HS3ST6: variants seen among roughly 807,000 people sequenced by gnomAD.
HS3ST6 encodes the protein heparan sulfate-glucosamine 3-sulfotransferase 6.
Under a neutral mutation model 11.0 loss-of-function variants are expected in HS3ST6, and 13 were observed. The ratio of observed to expected loss-of-function variants is 1.18; its 90% CI spans 0.77 to 1.88. The LOEUF is 1.88. HS3ST6 is among the 40% of genes most tolerant of loss of function. The pLI is 0.00. For missense variants in HS3ST6, 541 were observed against 494.4 expected (o/e 1.09, Z -0.89); for synonymous variants, 232 against 230.6 (o/e 1.01, Z -0.06).
chr16:1,912,114 C>T lies in HS3ST6; in HGVS notation c.505G>A (p.Ala169Thr), dbSNP rs768576427. Residue 169 changes from alanine (A) to threonine (T), a missense_variant, in exon 2 of 2, where the codon GCC becomes ACC. Physicochemically the swap from Ala to Thr is moderately conservative, Grantham distance 58. Transcript: ENST00000454677. The surrounding 1 kb of genome is among the most constrained non-coding windows in gnomAD (Gnocchi z 5.6). ...ATCAGCTTCGTGTCCGGGGACATGG[C>T]GTGGATGCGGCGGGGGGCCTCTCGC... ...VTREAPRRIHAMSPDTKLIVV... is the reference protein window; with the variant it reads ...VTREAPRRIHTMSPDTKLIVV... 5.3e-6 allele frequency: 8 copies of T among 1,503,080 alleles called. No homozygotes were observed. The highest frequency in any genetic ancestry group is 4.1e-5 in the South Asian group (3 of 73,186). 93.1% of individuals were successfully genotyped at this position (1,503,080 alleles called of 1,614,324 possible).
chr16:1,917,915 A>C lies in HS3ST6; in HGVS notation c.409T>G (p.Tyr137Asp). ...CGGACGGGCCAGGGTGCTCACCGGT[A>C]CCAGGCGAGGCCGCGCTCGTAGCAC... is the stretch of plus-strand genomic sequence containing the variant. ...DRCYERGLAW[Y>D]RSLMPRTLDG... The change falls in exon 1 of 2, where the codon TAC becomes GAC. Residue 137 changes from tyrosine to aspartate, a missense_variant. By Grantham distance (160) the Tyr-to-Asp change is radical (BLOSUM62 -3). Transcript: ENST00000454677. The C allele has an allele frequency of 6.8e-7, 1 of 1,472,220 alleles. No individual in the cohort carries two copies. Among genetic ancestry groups the C allele is most frequent in the Non-Finnish European group, 9.0e-7 (1 of 1,113,266 alleles). The allele number at this position is 1,472,220 out of a possible 1,614,324, so 91.2% of individuals were successfully genotyped here.
intron 1 of HS3ST6, among the ~76,000 whole-genome samples, chr16:1,914,653 C>T (rs1216565628): frequency 6.6e-6 from 1 of 152,164 alleles, no homozygotes; most frequent in Non-Finnish European, 1.5e-5. Context: ...GGAAAGTTCA[C>T]CCTGCCAGGC....
rs772144089 is a variant in HS3ST6, at chr16:1,911,937, A to G, written c.682T>C (p.Tyr228His). The G allele has an allele frequency of 1.3e-6, 2 of 1,594,648 alleles. No homozygotes were observed. The highest frequency in any genetic ancestry group is 1.1e-5 in the South Asian group (1 of 88,038). ...TAWSAVRIGL[Y>H]AQHLDHWLRY... ...AGCCAGTGGTCCAGGTGCTGGGCGT[A>G]CAGGCCGATGCGGACGGCGCTCCAG... is the stretch of plus-strand genomic sequence containing the variant. Residue 228 changes from tyrosine to histidine, a missense_variant, in exon 2 of 2, where the codon TAC (tyrosine) becomes CAC (histidine). Transcript: ENST00000454677.
chr16:1,915,801 C>G (rs1234841649), intron 1 of HS3ST6, among the ~76,000 whole-genome samples: 1 of 152,198 alleles, frequency 6.6e-6, no homozygotes, highest in Non-Finnish European at 1.5e-5. Context: ...GATGAGCTGA[C>G]TGACGGTGGA....
At chr16:1,916,860 C>G (rs937798524) in intron 1 of HS3ST6, among the ~76,000 whole-genome samples, 2 of 151,666 alleles carry the variant, frequency 1.3e-5, no homozygotes, top group Non-Finnish European at 2.9e-5. Context: ...CCCTGCCTGC[C>G]GTCAGGGGAG....
upstream of HS3ST6, among the ~76,000 whole-genome samples, chr16:1,919,957 C>G (rs992653653): frequency 5.0e-4 from 76 of 152,290 alleles, 1 homozygote; most frequent in African/African-American, 1.8e-3. Context: ...TCCCAACGGG[C>G]TGGCTCGGGG....
In HS3ST6 at chr16:1,912,043, GGC is replaced by G. The variant is rs1420863478; in HGVS notation, c.574_575del (p.Ala192ProfsTer185). ...NPVTRAISDY[A>X]QTLSKTPGLP... ...GGCCCGGGGTCTTGGAGAGCGTCTG[GGC>G]GTAGTCGGAGATGGCCCGGGTCACG... On this transcript the variant is annotated frameshift_variant, in exon 2 of 2. Transcript: ENST00000454677. LOFTEE classifies it low-confidence loss of function (END_TRUNC). This position sits in a 1 kb window ranked among gnomAD's most constrained non-coding sequence, Gnocchi z 5.6. 1.3e-6 allele frequency: 2 copies of G among 1,520,342 alleles called. No individual in the cohort carries two copies. The highest frequency in any genetic ancestry group is 1.8e-6 in the Non-Finnish European group (2 of 1,135,998). 94.2% of individuals were successfully genotyped at this position (1,520,342 alleles called of 1,614,324 possible). A position where few individuals can be genotyped will look rare whatever the true frequency, so the allele number is the denominator to read the frequency against.
rs1009934371 is a variant in HS3ST6 at position 1,912,647 on chromosome 16, C to T, written c.414-442G>A. The stretch of plus-strand genomic sequence containing the variant: ...CAGACCAAGTACCCCGAGGCCCGCC[C>T]GCCTAGATCACTTGAGGTCACCCGT... On this transcript the variant is annotated intron_variant, in intron 1 of 1. Transcript: ENST00000454677. This position sits in a 1 kb window ranked among gnomAD's most constrained non-coding sequence, Gnocchi z 5.6. 1.3e-5 allele frequency among the ~76,000 whole-genome samples: 2 copies of T among 152,198 alleles called. No homozygotes were observed. Among genetic ancestry groups the T allele is most frequent in the South Asian group, 2.1e-4 (1 of 4,812 alleles).
In HS3ST6 at chr16:1,911,476, C is replaced by A; in HGVS notation, c.*114G>T. ...CCAACCTCGAGGTTTGTGGAAAAAT[C>A]TGGGTCCAAGCTTTATTTCTTAAAT... On this transcript the variant is annotated 3_prime_UTR_variant, in exon 2 of 2. Coordinates refer to ENST00000454677, the MANE Select transcript of HS3ST6 (RefSeq NM_001009606.4). 1 of 1,299,586 alleles carries A rather than the reference C, an allele frequency of 7.7e-7. No individual in the cohort carries two copies. The highest frequency in any genetic ancestry group is 1.0e-6 in the Non-Finnish European group (1 of 978,140). 80.5% of individuals were successfully genotyped at this position (1,299,586 alleles called of 1,614,324 possible).
rs535140365 is a variant in HS3ST6, at chr16:1,912,209, C to T, written c.414-4G>A. 5.6e-5 allele frequency: 79 copies of T among 1,410,306 alleles called. No homozygotes were observed. Among genetic ancestry groups the T allele is most frequent in the South Asian group, 3.6e-4 (19 of 53,338 alleles). The allele number at this position is 1,410,306 out of a possible 1,614,324, so 87.4% of individuals were successfully genotyped here. A position where few individuals can be genotyped will look rare whatever the true frequency, so the allele number is the denominator to read the frequency against. On this transcript the variant is annotated splice_polypyrimidine_tract_variant and splice_region_variant and intron_variant, in intron 1 of 1. Coordinates refer to ENST00000454677, the MANE Select transcript of HS3ST6 (RefSeq NM_001009606.4). The surrounding 1 kb of genome is among the most constrained non-coding windows in gnomAD (Gnocchi z 5.6). ...CAGGGTTCGGGGCATCAGACTCCTG[C>T]GGGACGGGTGCAAGGAGAGGGGGCC...
Position 1,911,551 on chromosome 16 carries a change from G to GCCT in HS3ST6, c.*38_*39insAGG. 3 of 1,536,568 alleles carry GCCT rather than the reference G, an allele frequency of 2.0e-6. No individual in the cohort carries two copies. Among genetic ancestry groups the GCCT allele is most frequent in the Non-Finnish European group, 1.8e-6 (2 of 1,141,732 alleles). On this transcript the variant is annotated 3_prime_UTR_variant, in exon 2 of 2. Coordinates refer to ENST00000454677, the MANE Select transcript of HS3ST6 (RefSeq NM_001009606.4). The stretch of plus-strand genomic sequence containing the variant: ...CGCAGCCCGCTCTGGCCAGGCGAGC[G>GCCT]GGTGTCAATCAAGGTGCTGAGCATC...
At chr16:1,918,628 C>T (rs960341520), upstream of HS3ST6, among the ~76,000 whole-genome samples, 2 of 152,002 alleles carry the variant, frequency 1.3e-5, no homozygotes, top group African/African-American at 2.4e-5. This position sits in a 1 kb window ranked among gnomAD's most constrained non-coding sequence, Gnocchi z 6.0. Context: ...GGCCCTGGCT[C>T]GCTTGACTCC....
rs141982112 is a variant in HS3ST6 at position 1,912,546 on chromosome 16, C to A, written c.414-341G>T. Among the ~76,000 whole-genome samples the A allele has an allele frequency of 6.6e-6, 1 of 152,240 alleles. No individual in the cohort carries two copies. Among genetic ancestry groups the A allele is most frequent in the Non-Finnish European group, 1.5e-5 (1 of 68,016 alleles). On this transcript the variant is annotated intron_variant, in intron 1 of 1. Coordinates refer to ENST00000454677, the MANE Select transcript of HS3ST6 (RefSeq NM_001009606.4). This position sits in a 1 kb window ranked among gnomAD's most constrained non-coding sequence, Gnocchi z 5.6. ...TTCCCTGTGCAATCCCTGCCGTCCT[C>A]GCTTCCAGAGCCAGCTCCCTCCCAC... is the stretch of plus-strand genomic sequence containing the variant.
At chr16:1,914,622 G>A (rs1195097599) in intron 1 of HS3ST6, among the ~76,000 whole-genome samples, 1 of 152,144 alleles carries the variant, frequency 6.6e-6, no homozygotes, top group African/African-American at 2.4e-5. Flanking sequence ...CCTGCCTGCT[G>A]GAGGGACCAG....
At chr16:1,920,481 C>T (rs907510678), upstream of HS3ST6, among the ~76,000 whole-genome samples, 5 of 152,346 alleles carry the variant, frequency 3.3e-5, no homozygotes, top group African/African-American at 9.6e-5. Context: ...TCTCAGCAGT[C>T]CCTACTCAGG....
intron 1 of HS3ST6, among the ~76,000 whole-genome samples, chr16:1,914,551 C>T (rs1282850262): frequency 6.6e-6 from 1 of 152,172 alleles, no homozygotes. Context: ...CAAGCGAGAC[C>T]AGGAGCCCAC....
chr16:1,912,060 C>CCCGGGTCACGGGGTT lies in HS3ST6; in HGVS notation c.544_558dup (p.Asn182_Arg186dup), dbSNP rs1432297109. The CCCGGGTCACGGGGTT allele has an allele frequency of 1.1e-5, 17 of 1,514,832 alleles. No homozygotes were observed. Among genetic ancestry groups the CCCGGGTCACGGGGTT allele is most frequent in the Non-Finnish European group, 1.3e-5 (15 of 1,133,146 alleles). The allele number at this position is 1,514,832 out of a possible 1,614,324, so 93.8% of individuals were successfully genotyped here. On this transcript the variant is annotated inframe_insertion, in exon 2 of 2. Transcript: ENST00000454677. The surrounding 1 kb of genome is among the most constrained non-coding windows in gnomAD (Gnocchi z 5.6). ...AGCGTCTGGGCGTAGTCGGAGATGGCCCGGGTCACGGGGTTCCGCACCACC... is the reference window on the plus strand; with the variant it reads ...AGCGTCTGGGCGTAGTCGGAGATGGCCCGGGTCACGGGGTTCCGGGTCACGGGGTTCCGCACCACC...
At chr16:1,914,832 C>T (rs1278639844) in intron 1 of HS3ST6, among the ~76,000 whole-genome samples, 2 of 152,198 alleles carry the variant, frequency 1.3e-5, no homozygotes, top group East Asian at 1.9e-4. Flanking sequence ...TTTCCCTCCC[C>T]AGGCATCCGA....
In HS3ST6 at chr16:1,918,388, C is replaced by T; in HGVS notation, c.-65G>A. Reference sequence around the variant, plus strand: ...GCGGGCGCGCATCTCGGCCCGCGCGCCGCTCAGTCCGTGGGTGCCCGGCTT... The same window carrying T: ...GCGGGCGCGCATCTCGGCCCGCGCGTCGCTCAGTCCGTGGGTGCCCGGCTT... On this transcript the variant is annotated 5_prime_UTR_variant, in exon 1 of 2. Transcript: ENST00000454677. This position sits in a 1 kb window ranked among gnomAD's most constrained non-coding sequence, Gnocchi z 6.0. The T allele has an allele frequency of 5.3e-6, 1 of 188,268 alleles. No homozygotes were observed. The highest frequency in any genetic ancestry group is 1.0e-5 in the Non-Finnish European group (1 of 98,860). 11.7% of individuals were successfully genotyped at this position (188,268 alleles called of 1,614,324 possible).
Sources: gnomAD v4.1 joint callset for allele counts (sites outside exome capture counted in the v4.1 genomes callset) on GRCh38, gnomAD v4.1.1 for gene constraint, Gnocchi (gnomAD v3.1) non-coding constraint, MANE v1.5 for transcripts, NCBI Gene and HGNC (gene_info 2026-07-23, HGNC 2026-07-21) for gene names.